Variants in CTNNA2 observed in about 807,000 individuals in gnomAD.
The protein encoded by CTNNA2 is catenin alpha 2, also known as catenin alpha-2.
In CTNNA2, 42 loss-of-function variants were observed where a neutral mutation model predicts 101.0. The observed-to-expected ratio is 0.42, with a 90% CI of 0.32 to 0.54. The LOEUF (loss-of-function observed/expected upper bound fraction) is 0.54. CTNNA2 is among the 20% of genes least tolerant of loss of function. The pLI is 0.14. For synonymous variants in CTNNA2, 450 were observed against 456.4 expected, an observed-to-expected ratio of 0.99 and a Z score of 0.18; for missense variants, 871 against 1,223.1, an observed-to-expected ratio of 0.71 and a Z score of 4.29.
At chr2:79,810,966 T>A (rs1285852777) in intron 3 of CTNNA2, among the ~76,000 whole-genome samples, 1 of 151,570 alleles carries the variant, frequency 6.6e-6, no homozygotes, top group Admixed American at 6.6e-5. Flanking sequence ...TTTGCTATTG[T>A]GAATAGTGCC....
intron 11 of CTNNA2, among the ~76,000 whole-genome samples, chr2:80,550,175 T>C (rs931047762): frequency 6.6e-6 from 1 of 152,238 alleles, no homozygotes; most frequent in Non-Finnish European, 1.5e-5. Flanking sequence ...ATATAAGTTA[T>C]GTTTACAGTG....
At chr2:79,725,819 C>G (rs368657372) in intron 2 of CTNNA2, among the ~76,000 whole-genome samples, 1 of 152,174 alleles carries the variant, frequency 6.6e-6, no homozygotes, top group Admixed American at 6.5e-5. Flanking sequence ...CCCTCTTTCT[C>G]CTGCTGCCTG....
At chr2:79,878,962 T>C (rs868102254) in intron 6 of CTNNA2, among the ~76,000 whole-genome samples, 1 of 152,234 alleles carries the variant, frequency 6.6e-6, no homozygotes, top group Admixed American at 6.5e-5. Context: ...GGGTTTTACA[T>C]TTAAGTCTTT....
intron 2 of CTNNA2, among the ~76,000 whole-genome samples, chr2:79,311,321 ATG>A (rs1268434133): frequency 6.8e-6 from 1 of 147,792 alleles, no homozygotes; most frequent in Non-Finnish European, 1.5e-5. Flanking sequence ...AGGCAGGAGA[ATG>A]GCGTGAACCC....
At chr2:80,635,061 C>G (rs926021007) in intron 18 of CTNNA2, among the ~76,000 whole-genome samples, 1 of 152,066 alleles carries the variant, frequency 6.6e-6, no homozygotes, top group Admixed American at 6.6e-5. Flanking sequence ...ATAACTCTTG[C>G]AAGAACCTGA....
At chr2:79,997,018 C>T (rs1692595174) in intron 7 of CTNNA2, among the ~76,000 whole-genome samples, 1 of 152,054 alleles carries the variant, frequency 6.6e-6, no homozygotes, top group Admixed American at 6.6e-5. Context: ...GAGTAAGAAC[C>T]AGGTCAAAAT....
At chr2:79,440,271 G>A (rs564256164) in intron 4 of CTNNA2, among the ~76,000 whole-genome samples, 1 of 152,240 alleles carries the variant, frequency 6.6e-6, no homozygotes, top group Admixed American at 6.5e-5. Context: ...GAAGGAAAAG[G>A]AAGTGGATAT....
At chr2:79,214,463 A>C (rs896404700) in intron 2 of CTNNA2, among the ~76,000 whole-genome samples, 2 of 152,108 alleles carry the variant, frequency 1.3e-5, no homozygotes, top group African/African-American at 4.8e-5. Context: ...TAAAATGGGG[A>C]AATTGTAAGG....
intron 17 of CTNNA2, among the ~76,000 whole-genome samples, chr2:80,615,354 A>G (rs1453630667): frequency 1.3e-5 from 2 of 151,612 alleles, no homozygotes; most frequent in African/African-American, 4.8e-5. Context: ...TGTTCACATA[A>G]GAATATTTTC....
chr2:79,911,683 C>G (rs1334615455), intron 7 of CTNNA2, among the ~76,000 whole-genome samples: 2 of 152,178 alleles, frequency 1.3e-5, no homozygotes, highest in Non-Finnish European at 2.9e-5. Context: ...TGGTTACAGA[C>G]AATACATCAA....
At chr2:79,406,808 A>G (rs1268428490) in intron 4 of CTNNA2, among the ~76,000 whole-genome samples, 2 of 151,990 alleles carry the variant, frequency 1.3e-5, no homozygotes, top group East Asian at 1.9e-4. Context: ...AAACACAGCC[A>G]TAACTCAGTG....
intron 12 of CTNNA2, among the ~76,000 whole-genome samples, chr2:80,566,205 A>G (rs1694049461): frequency 1.3e-5 from 2 of 152,318 alleles, no homozygotes; most frequent in Non-Finnish European, 1.5e-5. Context: ...AGCTTACAAC[A>G]TGGCAACTGT....
intron 7 of CTNNA2, among the ~76,000 whole-genome samples, chr2:80,170,227 CTCTCTG>C (rs1287168393): frequency 9.4e-5 from 14 of 149,498 alleles, no homozygotes; most frequent in Non-Finnish European, 1.8e-4. Flanking sequence ...CTCTCTCTCT[CTCTCTG>C]TGTGTGTGTG....
chr2:80,354,798 G>A (rs908826993), intron 7 of CTNNA2, among the ~76,000 whole-genome samples: 8 of 152,060 alleles, frequency 5.3e-5, no homozygotes, highest in Admixed American at 2.0e-4. Context: ...TAAAGCTGCC[G>A]GTCTGGGCCC....
chr2:80,450,454 G>T (rs928995600), intron 9 of CTNNA2, among the ~76,000 whole-genome samples: 1 of 152,118 alleles, frequency 6.6e-6, no homozygotes, highest in African/African-American at 2.4e-5. Flanking sequence ...ACAAAGATGT[G>T]CTGAGAGCAT....
intron 2 of CTNNA2, among the ~76,000 whole-genome samples, chr2:79,291,220 T>C (rs1045317077): frequency 1.3e-5 from 2 of 152,208 alleles, no homozygotes; most frequent in Non-Finnish European, 2.9e-5. Flanking sequence ...AATTAAATCT[T>C]AAGGTAACTG....
chr2:80,510,242 TAC>T (rs1431722884), intron 9 of CTNNA2, among the ~76,000 whole-genome samples: 1 of 152,142 alleles, frequency 6.6e-6, no homozygotes, highest in Non-Finnish European at 1.5e-5. Flanking sequence ...CAAAACACCA[TAC>T]AGAGTTCATT....
chr2:80,302,816 C>A lies in CTNNA2; in HGVS notation c.1057-90395C>A, dbSNP rs1181673656. ...GGCGCACTGCAAGTTGCCATCGTAG[C>A]GCCCCTGGAAGTTGTTGAGCCACGA... On this transcript the variant is annotated intron_variant, in intron 7 of 18. Coordinates refer to ENST00000402739, the MANE Select transcript of CTNNA2 (RefSeq NM_001282597.3). This position sits in a 1 kb window ranked among gnomAD's most constrained non-coding sequence, Gnocchi z 6.4. 6.2e-7 allele frequency: 1 copy of A among 1,613,784 alleles called. No individual in the cohort carries two copies.
At chr2:79,401,275 GTTT>G (rs1678287305) in intron 4 of CTNNA2, among the ~76,000 whole-genome samples, 1 of 151,264 alleles carries the variant, frequency 6.6e-6, no homozygotes, top group African/African-American at 2.4e-5. Flanking sequence ...CCACAAATTT[GTTT>G]TTAATTTTAA....
Sources: gnomAD v4.1 joint callset for allele counts (sites outside exome capture counted in the v4.1 genomes callset) on GRCh38, gnomAD v4.1.1 for gene constraint, Gnocchi (gnomAD v3.1) non-coding constraint, MANE v1.5 for transcripts, NCBI Gene and HGNC (gene_info 2026-07-23, HGNC 2026-07-21) for gene names.